The following CEP85L variants were observed in gnomAD, a reference collection of about 807,000 sequenced individuals.
CEP85L encodes the protein centrosomal protein of 85 kDa-like.
A neutral mutation model predicts 100.3 loss-of-function variants in CEP85L; 60 were observed. The ratio of observed to expected loss-of-function variants is 0.60; its 90% CI spans 0.49 to 0.74. The LOEUF is 0.74. CEP85L is among the 30% of genes least tolerant of loss of function. The probability of loss-of-function intolerance (pLI) is 0.00; values close to 1 mark genes in which losing one functional copy is unlikely to be tolerated. For missense variants in CEP85L, 973 were observed against 936.2 expected (o/e 1.04, Z -0.51); for synonymous variants, 319 against 322.7 (o/e 0.99, Z 0.12).
chr6:118,518,255 A>T (rs1776403182), intron 4 of CEP85L, among the ~76,000 whole-genome samples: 1 of 152,186 alleles, frequency 6.6e-6, no homozygotes, highest in African/African-American at 2.4e-5. Flanking sequence ...AAAATGAGTT[A>T]GGGAGGATTC....
intron 5 of CEP85L, chr6:118,502,706 T>C (rs1775386260): frequency 2.2e-6 from 1 of 463,774 alleles, no homozygotes; most frequent in Non-Finnish European, 4.0e-6. Context: ...CCCAATATGA[T>C]GTCTCTTGGA....
rs1178031733 is a variant in CEP85L at position 118,491,194 on chromosome 6, TATACACACACAC to T, written c.1437+480_1437+491del. On this transcript the variant is annotated intron_variant, in intron 6 of 12. Coordinates refer to ENST00000368491, the MANE Select transcript of CEP85L (RefSeq NM_001042475.3). Reference sequence around the variant, plus strand: ...TTCCCTTCTATTTCATACCAACATCTATACACACACACACACACACACACACACACACACACA... The same window carrying T: ...TTCCCTTCTATTTCATACCAACATCTACACACACACACACACACACACACA... 6.1e-4 allele frequency among the ~76,000 whole-genome samples: 50 copies of T among 81,304 alleles called. 1 individual carries two copies. The highest frequency in any genetic ancestry group is 1.3e-3 in the African/African-American group (34 of 26,648). 53.3% of individuals were successfully genotyped at this position (81,304 alleles called of 152,430 possible).
chr6:118,497,562 C>A (rs1775002315), intron 5 of CEP85L, among the ~76,000 whole-genome samples: 1 of 152,084 alleles, frequency 6.6e-6, no homozygotes, highest in African/African-American at 2.4e-5. Context: ...AAACCACACC[C>A]CCTCCCCAGG....
At chr6:118,640,167 C>A (rs919125914) in intron 1 of CEP85L, among the ~76,000 whole-genome samples, 13 of 152,070 alleles carry the variant, frequency 8.5e-5, no homozygotes, top group African/African-American at 2.7e-4. Flanking sequence ...ACAGAAAAAA[C>A]CAACAAATCT....
intron 3 of CEP85L, among the ~76,000 whole-genome samples, chr6:118,561,092 A>C (rs1779198260): frequency 6.6e-6 from 1 of 152,202 alleles, no homozygotes; most frequent in Admixed American, 6.5e-5. Context: ...CATGAGAGAT[A>C]CTAGAGATGG....
At chr6:118,681,681 T>G (rs1247043023) in intron 1 of CEP85L, among the ~76,000 whole-genome samples, 1 of 151,756 alleles carries the variant, frequency 6.6e-6, no homozygotes, top group African/African-American at 2.4e-5. Flanking sequence ...CAGTGAGGGT[T>G]TAGAAAAATT....
chr6:118,590,960 G>A (rs1454858473), intron 2 of CEP85L, among the ~76,000 whole-genome samples: 2 of 152,044 alleles, frequency 1.3e-5, no homozygotes, highest in African/African-American at 2.4e-5. Context: ...CTACATTCAC[G>A]ATTGTGTGAC....
chr6:118,708,979 A>G (rs1777688786), intron 1 of CEP85L, among the ~76,000 whole-genome samples: 1 of 152,240 alleles, frequency 6.6e-6, no homozygotes, highest in African/African-American at 2.4e-5. Flanking sequence ...AAAAAGAATG[A>G]CTAACACTAA....
At chr6:118,603,963 A>T (rs555145591) in intron 2 of CEP85L, among the ~76,000 whole-genome samples, 20 of 152,262 alleles carry the variant, frequency 1.3e-4, no homozygotes, top group Non-Finnish European at 2.1e-4. Context: ...AGAATTTTAC[A>T]TAACAATTAT....
chr6:118,538,073 G>T, intron 3 of CEP85L: 1 of 387,744 alleles, frequency 2.6e-6, no homozygotes, highest in Non-Finnish European at 3.5e-6. Flanking sequence ...TAAAAGAACT[G>T]TGCACTTAAT....
chr6:118,582,755 C>T (rs1780645377), intron 2 of CEP85L, among the ~76,000 whole-genome samples: 1 of 152,214 alleles, frequency 6.6e-6, no homozygotes, highest in African/African-American at 2.4e-5. Flanking sequence ...ACCTCTTTAT[C>T]ATGATTCAGT....
intron 4 of CEP85L, among the ~76,000 whole-genome samples, chr6:118,514,538 A>AAAAAAAG (rs1562217561): frequency 6.8e-6 from 1 of 148,050 alleles, no homozygotes. Flanking sequence ...AAAAAAAAAA[A>AAAAAAAG]AAAAAGAAAA....
intron 3 of CEP85L, among the ~76,000 whole-genome samples, chr6:118,527,085 G>A (rs1043072638): frequency 1.4e-5 from 2 of 144,132 alleles, no homozygotes; most frequent in Non-Finnish European, 3.0e-5. Context: ...GCGCGATAGA[G>A]CTCACCGCAA....
At chr6:118,651,943 C>A, upstream of CEP85L, 1 of 984,954 alleles carries the variant, frequency 1.0e-6, no homozygotes, top group Non-Finnish European at 1.2e-6. Flanking sequence ...GCGTCACAAC[C>A]GCTCGAGATG....
intron 2 of CEP85L, among the ~76,000 whole-genome samples, chr6:118,606,337 T>C (rs910583292): frequency 6.6e-6 from 1 of 152,146 alleles, no homozygotes; most frequent in African/African-American, 2.4e-5. Context: ...GAGAAGAGAA[T>C]AGACAAGATC....
intron 1 of CEP85L, among the ~76,000 whole-genome samples, chr6:118,677,768 C>A (rs1218032942): frequency 2.0e-5 from 3 of 152,166 alleles, no homozygotes; most frequent in Admixed American, 6.5e-5. Flanking sequence ...AGGAGACTTC[C>A]ATGATTTTAC....
chr6:118,502,197 A>G (rs1775347363), intron 5 of CEP85L: 11 of 840,660 alleles, frequency 1.3e-5, no homozygotes, highest in South Asian at 1.2e-4. Context: ...CTCCAGGGTT[A>G]TATTTGAATT....
At chr6:118,504,929 G>C (rs9489420) in intron 5 of CEP85L, among the ~76,000 whole-genome samples, 102,598 of 151,886 alleles carry the variant, frequency 0.68, 35,346 homozygotes, top group Middle Eastern at 0.74. Flanking sequence ...TGAGTGGAGA[G>C]TAGAGTGGGA....
At chr6:118,607,101 T>A (rs1408829158) in intron 2 of CEP85L, among the ~76,000 whole-genome samples, 1 of 151,906 alleles carries the variant, frequency 6.6e-6, no homozygotes, top group African/African-American at 2.4e-5. Flanking sequence ...CAGAGCAAAG[T>A]CCATGTGATA....
Sources: gnomAD v4.1 joint callset for allele counts (sites outside exome capture counted in the v4.1 genomes callset) on GRCh38, gnomAD v4.1.1 for gene constraint, MANE v1.5 for transcripts, NCBI Gene and HGNC (gene_info 2026-07-23, HGNC 2026-07-21) for gene names.